CFAP95: variants seen among roughly 807,000 people sequenced by gnomAD.
CFAP95 encodes cilia- and flagella-associated protein 95.
chr9:69,855,934 G>A, the CFAP95 span, among the ~76,000 whole-genome samples: 2 of 152,148 alleles, frequency 1.3e-5, no homozygotes, highest in Non-Finnish European at 2.9e-5. Context: ...TTTTCTTGGT[G>A]ATGAGTTCTG....
At chr9:69,891,452 A>G in the CFAP95 span, among the ~76,000 whole-genome samples, 2 of 151,722 alleles carry the variant, frequency 1.3e-5, no homozygotes, top group Non-Finnish European at 2.9e-5. Flanking sequence ...ATATTTTACA[A>G]CTGAGTTGAT....
chr9:69,869,861 G>C, the CFAP95 span, among the ~76,000 whole-genome samples: 2 of 152,004 alleles, frequency 1.3e-5, no homozygotes, highest in East Asian at 3.9e-4. Flanking sequence ...AGTATAATTA[G>C]TATTACTCTT....
chr9:69,876,303 C>A, the CFAP95 span, among the ~76,000 whole-genome samples: 1 of 152,102 alleles, frequency 6.6e-6, no homozygotes, highest in South Asian at 2.1e-4. Context: ...GAGACCAAGG[C>A]AGGTGGATCT....
At chr9:69,878,993 G>A in the CFAP95 span, among the ~76,000 whole-genome samples, 9 of 152,126 alleles carry the variant, frequency 5.9e-5, no homozygotes, top group African/African-American at 2.2e-4. Context: ...TGACCAGATA[G>A]TGCGAGAACT....
chr9:69,823,364 G>T, the CFAP95 span, among the ~76,000 whole-genome samples: 3 of 152,116 alleles, frequency 2.0e-5, no homozygotes, highest in African/African-American at 7.2e-5. Context: ...ATGAGATTTG[G>T]GTGGGGACAC....
At chr9:69,889,422 A>G in the CFAP95 span, among the ~76,000 whole-genome samples, 9 of 152,184 alleles carry the variant, frequency 5.9e-5, no homozygotes, top group Non-Finnish European at 1.0e-4. Context: ...GGTCTTTGAG[A>G]TATTTTTCAC....
At chr9:69,857,257 G>A in the CFAP95 span, among the ~76,000 whole-genome samples, 13 of 152,228 alleles carry the variant, frequency 8.5e-5, no homozygotes, top group East Asian at 2.3e-3. Context: ...ATTTCCTCAG[G>A]AATAGAGAGT....
the CFAP95 span, among the ~76,000 whole-genome samples, chr9:69,857,115 A>G: frequency 1.1e-4 from 17 of 152,312 alleles, no homozygotes; most frequent in South Asian, 3.5e-3. Flanking sequence ...GCATAGAAGT[A>G]TTGACTGACA....
chr9:69,882,677 A>G, the CFAP95 span, among the ~76,000 whole-genome samples: 29 of 152,306 alleles, frequency 1.9e-4, no homozygotes, highest in East Asian at 5.0e-3. Context: ...ACTTTTATCA[A>G]ATACTTTCTC....
At chr9:69,891,410 G>T in the CFAP95 span, among the ~76,000 whole-genome samples, 1 of 151,916 alleles carries the variant, frequency 6.6e-6, no homozygotes, top group East Asian at 1.9e-4. Flanking sequence ...GCCTTCATGG[G>T]CCCCTTCCTC....
At chr9:69,877,406 G>A in the CFAP95 span, among the ~76,000 whole-genome samples, 2 of 152,068 alleles carry the variant, frequency 1.3e-5, no homozygotes, top group African/African-American at 4.8e-5. Context: ...TTTTTTGGAT[G>A]GAATAATTGC....
chr9:69,821,172 AGTG>A, the CFAP95 span: 15 of 904,286 alleles, frequency 1.7e-5, no homozygotes, highest in East Asian at 3.7e-4. Context: ...GAATGAGAAA[AGTG>A]GGGGAGAAAT....
the CFAP95 span, among the ~76,000 whole-genome samples, chr9:69,851,508 C>T: frequency 0.013 from 2,048 of 152,092 alleles, 41 homozygotes; most frequent in African/African-American, 0.045. Flanking sequence ...AAGGGTAGGC[C>T]GAGTTGGATA....
chr9:69,888,373 A>G, the CFAP95 span, among the ~76,000 whole-genome samples: 29 of 152,148 alleles, frequency 1.9e-4, 1 homozygote, highest in African/African-American at 6.0e-4. Context: ...TACTTAATAT[A>G]TATAGAACTC....
chr9:69,902,161 T>G, the CFAP95 span: 13 of 337,636 alleles, frequency 3.9e-5, 1 homozygote, highest in South Asian at 2.9e-4. Flanking sequence ...TTTGCCTGAT[T>G]AAAGCCCAGG....
At chr9:69,852,291 CT>C in the CFAP95 span, among the ~76,000 whole-genome samples, 5 of 152,202 alleles carry the variant, frequency 3.3e-5, no homozygotes, top group South Asian at 8.3e-4. Flanking sequence ...CCAGCTCCTC[CT>C]TTATTCCAAG....
At chr9:69,875,786 T>C in the CFAP95 span, among the ~76,000 whole-genome samples, 1 of 152,238 alleles carries the variant, frequency 6.6e-6, no homozygotes, top group Non-Finnish European at 1.5e-5. Flanking sequence ...CCAGTTATAA[T>C]GTAAGTTAAT....
the CFAP95 span, chr9:69,844,770 G>A: frequency 3.5e-6 from 2 of 563,748 alleles, no homozygotes; most frequent in African/African-American, 3.9e-5. Flanking sequence ...GTGTGCTGAA[G>A]CAACATTACC....
At chr9:69,851,909 C>T in the CFAP95 span, among the ~76,000 whole-genome samples, 1 of 151,350 alleles carries the variant, frequency 6.6e-6, no homozygotes, top group Middle Eastern at 3.2e-3. Context: ...AAGGAAGAAG[C>T]TCATAAAAGC....
Sources: gnomAD v4.1 joint callset for allele counts (sites outside exome capture counted in the v4.1 genomes callset) on GRCh38, gnomAD v4.1.1 for gene constraint, MANE v1.5 for transcripts, NCBI Gene and HGNC (gene_info 2026-07-23, HGNC 2026-07-21) for gene names.